Variants in LDHB observed in about 807,000 individuals in gnomAD.
LDHB encodes lactate dehydrogenase B, also known as L-lactate dehydrogenase B chain.
In LDHB, 18 loss-of-function variants were observed where a neutral mutation model predicts 33.4. That is an observed-to-expected ratio of 0.54 (90% CI 0.37 to 0.80). The LOEUF (loss-of-function observed/expected upper bound fraction) is 0.80, where lower values mean the gene tolerates loss of function less well. LDHB is among the 30% of genes least tolerant of loss of function. The pLI is 0.00. For synonymous variants in LDHB, 121 were observed against 140.6 expected (o/e 0.86, Z 0.98); for missense variants, 345 against 407.9 (o/e 0.85, Z 1.33).
chr12:21,652,893 T>C (rs1030368863), intron 2 of LDHB, among the ~76,000 whole-genome samples: 1 of 150,172 alleles, frequency 6.7e-6, no homozygotes, highest in African/African-American at 2.5e-5. Context: ...GATAACTGTT[T>C]CTTAGTAAAG....
intron 2 of LDHB, among the ~76,000 whole-genome samples, chr12:21,650,349 C>A (rs183466081): frequency 5.7e-4 from 87 of 152,242 alleles, no homozygotes; most frequent in Middle Eastern, 6.8e-3. Context: ...GTGGCTTGTA[C>A]AAATACCAAA....
chr12:21,640,220 A>G (rs1938334467), intron 5 of LDHB, among the ~76,000 whole-genome samples: 1 of 151,576 alleles, frequency 6.6e-6, no homozygotes, highest in African/African-American at 2.4e-5. Context: ...TCTATGAAAC[A>G]GAATCAAAAT....
chr12:21,653,578 T>C (rs1938752305), intron 2 of LDHB, among the ~76,000 whole-genome samples: 4 of 152,116 alleles, frequency 2.6e-5, no homozygotes, highest in Non-Finnish European at 5.9e-5. Context: ...TATAGACAAA[T>C]ACGTCATGGA....
At position 21,639,382 on chromosome 12, in the gene LDHB, C is replaced by G. The variant is rs1193300229; in HGVS notation, c.596-912G>C. 2.0e-5 allele frequency among the ~76,000 whole-genome samples: 3 copies of G among 151,904 alleles called. No individual in the cohort carries two copies. In the East Asian group the frequency reaches 5.8e-4, roughly 29 times the overall value. On this transcript the variant is annotated intron_variant, in intron 5 of 7. Coordinates refer to ENST00000350669, the MANE Select transcript of LDHB (RefSeq NM_002300.8). Reference sequence around the variant, plus strand: ...TCAGAAGACATAATTCTAGTGGTAGCTATGGCATTAACTAACTAAAAGTTC... The same window carrying G: ...TCAGAAGACATAATTCTAGTGGTAGGTATGGCATTAACTAACTAAAAGTTC...
chr12:21,643,106 A>G (rs1616505), intron 4 of LDHB, among the ~76,000 whole-genome samples: 143,809 of 152,182 alleles, frequency 0.94, 68,456 homozygotes, highest in East Asian at 1. Flanking sequence ...CTTGGTTTGC[A>G]GAAGTAAAAA....
chr12:21,635,794 G>GT, intron 7 of LDHB, 85 bp from the exon 8 acceptor site: 1 of 1,248,180 alleles, frequency 8.0e-7, no homozygotes, highest in Non-Finnish European at 1.1e-6. Context: ...TGGGAGGACT[G>GT]TTTGAGCCCA....
chr12:21,654,766 GA>G (rs1938792354), intron 1 of LDHB, 89 bp from the exon 2 acceptor site: 1 of 1,067,396 alleles, frequency 9.4e-7, no homozygotes, highest in African/African-American at 1.5e-5. Flanking sequence ...TTGCAATTTC[GA>G]ACTGAAGTAC....
At chr12:21,653,666 G>GTATGCATA (rs150186056) in intron 2 of LDHB, among the ~76,000 whole-genome samples, 3 of 151,716 alleles carry the variant, frequency 2.0e-5, no homozygotes, top group Non-Finnish European at 4.4e-5. Flanking sequence ...ACACATATAT[G>GTATGCATA]TATGTATATA....
intron 5 of LDHB, 71 bp from the exon 6 acceptor site, chr12:21,638,541 A>G (rs1191783124): frequency 9.2e-7 from 1 of 1,085,392 alleles, no homozygotes; most frequent in Non-Finnish European, 1.4e-6. Context: ...TTCTTCTTTT[A>G]GTGCAATTTC....
intron 1 of LDHB, among the ~76,000 whole-genome samples, chr12:21,655,250 G>A (rs1253874907): frequency 6.6e-6 from 1 of 152,180 alleles, no homozygotes; most frequent in Non-Finnish European, 1.5e-5. Flanking sequence ...GTATTTAGTA[G>A]GTTGTTAATA....
chr12:21,651,466 C>G (rs890298492), intron 2 of LDHB, among the ~76,000 whole-genome samples: 8 of 152,180 alleles, frequency 5.3e-5, no homozygotes, highest in Non-Finnish European at 1.0e-4. Context: ...GTGGGCTTCG[C>G]GAATCTGGCT....
chr12:21,642,078 G>GT lies in LDHB; in HGVS notation c.468dup (p.His157ThrfsTer9), dbSNP rs1403893613. The GT allele has an allele frequency of 1.2e-6, 2 of 1,613,348 alleles. No individual in the cohort carries two copies. The highest frequency in any genetic ancestry group is 1.7e-6 in the Non-Finnish European group (2 of 1,179,580). ...TTACATCCACTTCCAATCACGCGGT[G>GT]TTTGGGTAATCCACTTAGTTTCCAG... On this transcript the variant is annotated frameshift_variant, in exon 5 of 8. Coordinates refer to ENST00000350669, the MANE Select transcript of LDHB (RefSeq NM_002300.8). LOFTEE classifies it high-confidence loss of function.
At chr12:21,644,213 C>G (rs1156801069) in intron 3 of LDHB, 105 bp from the exon 4 acceptor site, 6 of 816,782 alleles carry the variant, frequency 7.3e-6, no homozygotes, top group Non-Finnish European at 1.2e-5. Flanking sequence ...GCTTCTAGAA[C>G]ATATATGTGA....
intron 2 of LDHB, among the ~76,000 whole-genome samples, chr12:21,651,137 T>C (rs1465689795): frequency 2.0e-5 from 3 of 152,248 alleles, no homozygotes; most frequent in East Asian, 3.9e-4. Context: ...ATAGAAGAGA[T>C]GAAGTCAGAG....
At chr12:21,648,465 C>T (rs1229598012) in intron 2 of LDHB, among the ~76,000 whole-genome samples, 1 of 151,704 alleles carries the variant, frequency 6.6e-6, no homozygotes, top group East Asian at 1.9e-4. Context: ...GTGAACCAGC[C>T]CATGTTGTTC....
intron 6 of LDHB, 75 bp from the exon 7 acceptor site, chr12:21,637,269 GCT>G (rs2136960194): frequency 9.0e-7 from 1 of 1,113,004 alleles, no homozygotes; most frequent in South Asian, 1.2e-5. Context: ...TTTGACTACT[GCT>G]CTGTCTCTAA....
chr12:21,638,788 C>T (rs1305508234), intron 5 of LDHB, among the ~76,000 whole-genome samples: 1 of 151,916 alleles, frequency 6.6e-6, no homozygotes, highest in Non-Finnish European at 1.5e-5. Flanking sequence ...TAGTTGGGGA[C>T]TATGCTAAAC....
intron 3 of LDHB, 124 bp from the exon 4 acceptor site, chr12:21,644,232 T>G (rs1938452531): frequency 1.4e-6 from 1 of 701,198 alleles, no homozygotes; most frequent in South Asian, 1.8e-5. Flanking sequence ...GAATTAAGTT[T>G]TCTGTATTGT....
At chr12:21,641,365 T>C (rs1348207858) in intron 5 of LDHB, among the ~76,000 whole-genome samples, 1 of 152,012 alleles carries the variant, frequency 6.6e-6, no homozygotes, top group Non-Finnish European at 1.5e-5. Flanking sequence ...AACCTAATGA[T>C]AAAGAAACAA....
Sources: gnomAD v4.1 joint callset for allele counts (sites outside exome capture counted in the v4.1 genomes callset) on GRCh38, gnomAD v4.1.1 for gene constraint, MANE v1.5 for transcripts, NCBI Gene and HGNC (gene_info 2026-07-23, HGNC 2026-07-21) for gene names.